Variants in PSME4 observed in about 807,000 individuals in gnomAD.
The protein encoded by PSME4 is proteasome activator subunit 4.
A neutral mutation model predicts 253.9 loss-of-function variants in PSME4; 89 were observed. The observed-to-expected ratio is 0.35, with a 90% CI of 0.30 to 0.42. The LOEUF (loss-of-function observed/expected upper bound fraction) is 0.42. PSME4 is among the 10% of genes least tolerant of loss of function. The pLI is 1.00. For missense variants in PSME4, 2,014 were observed against 2,195.2 expected, an observed-to-expected ratio of 0.92 and a Z score of 1.65; for synonymous variants, 851 against 759.2, an observed-to-expected ratio of 1.12 and a Z score of -1.99.
At chr2:53,921,378 C>T (rs1668308011) in intron 17 of PSME4, among the ~76,000 whole-genome samples, 1 of 151,560 alleles carries the variant, frequency 6.6e-6, no homozygotes, top group South Asian at 2.1e-4. Flanking sequence ...TCCCAAGTAG[C>T]TGGAATTACA....
At chr2:53,879,739 C>A (rs141931483) in intron 41 of PSME4, among the ~76,000 whole-genome samples, 1 of 142,940 alleles carries the variant, frequency 7.0e-6, no homozygotes, top group East Asian at 2.2e-4. Context: ...GAGACTGAGA[C>A]TGCAGTGAGC....
intron 36 of PSME4, among the ~76,000 whole-genome samples, chr2:53,892,279 T>C (rs1679944337): frequency 6.6e-6 from 1 of 152,200 alleles, no homozygotes; most frequent in South Asian, 2.1e-4. Flanking sequence ...ATTTTTAGTC[T>C]CGTGTATTTT....
At chr2:53,928,093 G>T in intron 11 of PSME4, 24 bp downstream of exon 11, 1 of 1,573,358 alleles carries the variant, frequency 6.4e-7, no homozygotes, top group Non-Finnish European at 8.7e-7. Context: ...TAAATACGGA[G>T]TGTATAATCA....
chr2:53,867,168 G>C (rs1378441839), intron 44 of PSME4, among the ~76,000 whole-genome samples: 1 of 152,080 alleles, frequency 6.6e-6, no homozygotes, highest in Non-Finnish European at 1.5e-5. Flanking sequence ...AGACCAGCCA[G>C]GGCAATAAAG....
intron 41 of PSME4, among the ~76,000 whole-genome samples, chr2:53,880,353 A>T (rs2104417857): frequency 6.6e-6 from 1 of 152,152 alleles, no homozygotes; most frequent in Non-Finnish European, 1.5e-5. Flanking sequence ...CCAGCTACAC[A>T]AGAGACTGAG....
At chr2:53,966,262 T>G (rs2104493462) in intron 1 of PSME4, among the ~76,000 whole-genome samples, 1 of 152,244 alleles carries the variant, frequency 6.6e-6, no homozygotes, top group African/African-American at 2.4e-5. Context: ...CCAGCCTGGA[T>G]GACAGAGCGA....
At chr2:53,937,685 C>A (rs563368514) in intron 4 of PSME4, 145 bp from the exon 5 acceptor site, 7 of 716,974 alleles carry the variant, frequency 9.8e-6, no homozygotes, top group East Asian at 8.6e-5. Context: ...CAAACTAACA[C>A]ACATTTTCAC....
At chr2:53,882,024 T>C (rs1039168126) in intron 41 of PSME4, among the ~76,000 whole-genome samples, 20 of 151,538 alleles carry the variant, frequency 1.3e-4, no homozygotes, top group Middle Eastern at 3.2e-3. Flanking sequence ...TATATAGATA[T>C]ATATAAATAT....
At chr2:53,956,960 T>C (rs1166604754) in intron 1 of PSME4, among the ~76,000 whole-genome samples, 1 of 152,144 alleles carries the variant, frequency 6.6e-6, no homozygotes, top group Non-Finnish European at 1.5e-5. Flanking sequence ...ATCAAGGTAA[T>C]TGCAACTGAT....
intron 1 of PSME4, among the ~76,000 whole-genome samples, chr2:53,956,102 G>C (rs1464053461): frequency 6.6e-6 from 1 of 151,986 alleles, no homozygotes; most frequent in Non-Finnish European, 1.5e-5. Context: ...GGGCAACATA[G>C]CAAAACCACA....
At chr2:53,921,902 G>A (rs2104452177) in intron 17 of PSME4, among the ~76,000 whole-genome samples, 2 of 149,692 alleles carry the variant, frequency 1.3e-5, no homozygotes, top group Admixed American at 1.3e-4. Context: ...GCCAGGCGCG[G>A]TGGCTCACAC....
At chr2:53,955,081 G>A (rs1021262642) in intron 1 of PSME4, among the ~76,000 whole-genome samples, 1 of 152,010 alleles carries the variant, frequency 6.6e-6, no homozygotes, top group Non-Finnish European at 1.5e-5. Context: ...TGAAACACGA[G>A]GAGCATCTGA....
chr2:53,892,827 T>C lies in PSME4; in HGVS notation c.4172A>G (p.Lys1391Arg). ...EIIAGLIRGS[K>R]HWTFEKVEKL... is the part of the protein sequence containing the mutation. ...CATCACCTTTTCAAATGTCCAGTGC[T>C]TAGAACCTCTGATTAAACCAGCTAT... Residue 1391 changes from lysine to arginine, a missense_variant, in exon 36 of 47, where the codon AAG becomes AGG. Physicochemically the swap from Lys to Arg is conservative, Grantham distance 26. Transcript: ENST00000404125. 1 of 1,613,528 alleles carries C rather than the reference T, an allele frequency of 6.2e-7. No homozygotes were observed. Among genetic ancestry groups the C allele is most frequent in the Non-Finnish European group, 8.5e-7 (1 of 1,179,736 alleles).
chr2:53,927,575 T>C (rs186187999), intron 11 of PSME4, 92 bp from the exon 12 acceptor site: 1 of 918,186 alleles, frequency 1.1e-6, no homozygotes, highest in Admixed American at 1.9e-5. Context: ...CCCCAATAAA[T>C]TATCTTGATC....
At chr2:53,955,911 C>A (rs960730707) in intron 1 of PSME4, among the ~76,000 whole-genome samples, 4 of 151,926 alleles carry the variant, frequency 2.6e-5, no homozygotes, top group African/African-American at 7.3e-5. Flanking sequence ...AACAGTGAGA[C>A]CTTAGTCCCC....
chr2:53,963,143 T>C (rs780965680), intron 1 of PSME4, among the ~76,000 whole-genome samples: 3 of 151,728 alleles, frequency 2.0e-5, no homozygotes, highest in African/African-American at 7.3e-5. Flanking sequence ...CTGAGCAACA[T>C]AGTGAGACTT....
intron 41 of PSME4, among the ~76,000 whole-genome samples, chr2:53,878,503 G>A (rs985330967): frequency 4.6e-5 from 7 of 152,224 alleles, no homozygotes; most frequent in African/African-American, 1.7e-4. Flanking sequence ...CTGTGAGCCT[G>A]GTGGAACAGA....
chr2:53,865,900 G>A (rs1678542129), intron 46 of PSME4, 185 bp downstream of exon 46: 1 of 622,170 alleles, frequency 1.6e-6, no homozygotes, highest in African/African-American at 1.9e-5. Context: ...CCTAAAGCAA[G>A]GAGGCACAGC....
At chr2:53,914,167 A>C (rs1159831208) in intron 20 of PSME4, among the ~76,000 whole-genome samples, 2 of 152,190 alleles carry the variant, frequency 1.3e-5, no homozygotes, top group Admixed American at 6.5e-5. Flanking sequence ...TGACTCCTCT[A>C]CCTTGAGTAA....
Sources: allele counts gnomAD v4.1 joint callset (sites outside exome capture counted in the v4.1 genomes callset), GRCh38; gene constraint gnomAD v4.1.1; transcripts MANE v1.5; gene names NCBI Gene and HGNC (gene_info 2026-07-23, HGNC 2026-07-21).